ADGRV1: variants seen among roughly 807,000 people sequenced by gnomAD.
The protein encoded by ADGRV1 is adhesion G protein-coupled receptor V1, also known as G-protein coupled receptor 98.
ADGRV1 carries 359 observed loss-of-function variants against 596.2 expected under a neutral mutation model. The ratio of observed to expected loss-of-function variants is 0.60; its 90% confidence interval spans 0.55 to 0.66. The LOEUF is 0.66. ADGRV1 is among the 30% of genes least tolerant of loss of function. The pLI, the probability that ADGRV1 is intolerant of heterozygous loss-of-function variation, is 0.00. For missense variants in ADGRV1, 7,274 were observed against 7,575.6 expected (o/e 0.96, Z 1.48); for synonymous variants, 2,681 against 2,679.2 (o/e 1.00, Z -0.02).
At chr5:90,806,633 A>G (rs1317245170) in intron 72 of ADGRV1, among the ~76,000 whole-genome samples, 4 of 152,146 alleles carry the variant, frequency 2.6e-5, no homozygotes, top group Non-Finnish European at 5.9e-5. Flanking sequence ...TTATGAGTGT[A>G]TATGCGGCTT....
At chr5:90,641,682 T>C (rs1034573695) in intron 11 of ADGRV1, among the ~76,000 whole-genome samples, 1 of 152,202 alleles carries the variant, frequency 6.6e-6, no homozygotes, top group South Asian at 2.1e-4. Flanking sequence ...GGAAGTGAGC[T>C]TTTTTTCTAC....
At chr5:90,814,708 A>G (rs1415081507) in intron 74 of ADGRV1, among the ~76,000 whole-genome samples, 1 of 152,174 alleles carries the variant, frequency 6.6e-6, no homozygotes, top group Non-Finnish European at 1.5e-5. Context: ...CCAGACATGC[A>G]AAACTGTGAA....
rs548596087 is a variant in ADGRV1, at chr5:90,647,565, T to G, written c.3090T>G (p.Val1030=). The G allele has an allele frequency of 6.2e-7, 1 of 1,613,826 alleles. No individual in the cohort carries two copies. Among genetic ancestry groups the G allele is most frequent in the East Asian group, 2.2e-5 (1 of 44,868 alleles). The stretch of plus-strand genomic sequence containing the variant: ...TTACAGTTCTCAGAAATGGATCTGT[T>G]GATGTGACTTGCATGGTCCAGTATG... ...ANFTVLRNGS[V]DVTCMVQYAT... is the part of the protein sequence containing the mutation. The change falls in exon 17 of 90, where the codon GTT becomes GTG. Residue 1030 remains valine (V), a synonymous_variant. Transcript: ENST00000405460.
chr5:90,697,959 A>C (rs1002046372), intron 34 of ADGRV1, among the ~76,000 whole-genome samples: 1 of 151,554 alleles, frequency 6.6e-6, no homozygotes, highest in Non-Finnish European at 1.5e-5. Context: ...AGACATAGAG[A>C]GATTAAAAGA....
chr5:90,886,522 T>G (rs1456966855), intron 83 of ADGRV1, among the ~76,000 whole-genome samples: 2 of 152,190 alleles, frequency 1.3e-5, no homozygotes, highest in Non-Finnish European at 2.9e-5. Context: ...TACTCCATAC[T>G]CTCTCGATAA....
intron 79 of ADGRV1, among the ~76,000 whole-genome samples, chr5:90,851,102 G>GGTGTGTGTGTGTGTGTGTGTGTGT (rs371933419): frequency 2.0e-5 from 1 of 50,566 alleles, no homozygotes; most frequent in Non-Finnish European, 4.3e-5. Context: ...AGCTAGGTAG[G>GGTGTGTGTGTGTGTGTGTGTGTGT]GTGTGTGTGT....
intron 82 of ADGRV1, among the ~76,000 whole-genome samples, chr5:90,857,913 C>T (rs1767178015): frequency 6.6e-6 from 1 of 152,050 alleles, no homozygotes; most frequent in Non-Finnish European, 1.5e-5. Flanking sequence ...CGGCAGTATA[C>T]AATTAGACAG....
Position 90,725,445 on chromosome 5 carries a change from T to A in ADGRV1, c.10054-104T>A, listed in dbSNP as rs972259832. Reference sequence around the variant, plus strand: ...TTATGTGTAGCTTGGTATTAAAATTTTTTAAGTCTTGCACTTCAGATTTTA... The same window carrying A: ...TTATGTGTAGCTTGGTATTAAAATTATTTAAGTCTTGCACTTCAGATTTTA... On this transcript the variant is annotated intron_variant, in intron 47 of 89. Coordinates refer to ENST00000405460, the MANE Select transcript of ADGRV1 (RefSeq NM_032119.4). 23 of 756,242 alleles carry A rather than the reference T, an allele frequency of 3.0e-5. No individual in the cohort carries two copies. The African/African-American group carries it at 3.4e-4, about 11-fold the overall frequency. 46.8% of individuals were successfully genotyped at this position (756,242 alleles called of 1,614,324 possible).
At chr5:90,971,429 A>AC (rs1581669313) in intron 84 of ADGRV1, among the ~76,000 whole-genome samples, 1 of 151,974 alleles carries the variant, frequency 6.6e-6, no homozygotes, top group African/African-American at 2.4e-5. Flanking sequence ...TGAAGGAAAA[A>AC]ATGTTAAGGG....
At position 90,694,544 on chromosome 5, in the gene ADGRV1, T is replaced by A; in HGVS notation, c.7788T>A (p.Val2596=). 2 of 1,613,882 alleles carry A rather than the reference T, an allele frequency of 1.2e-6. No individual in the cohort carries two copies. The highest frequency in any genetic ancestry group is 1.7e-6 in the Non-Finnish European group (2 of 1,179,814). The change falls in exon 33 of 90, where the codon GTT becomes GTA. Residue 2596 remains valine (V), a synonymous_variant. Transcript: ENST00000405460. ...SPNTSEDGLF[V]EVQEQPQTLV... Reference sequence around the variant, plus strand: ...ATACTTCCGAAGATGGCTTATTTGTTGAAGTTCAGGAGCAGCCCCAAACCT... The same window carrying A: ...ATACTTCCGAAGATGGCTTATTTGTAGAAGTTCAGGAGCAGCCCCAAACCT...
rs145614270 is a variant in ADGRV1 at position 90,726,466 on chromosome 5, A to G, written c.10161+810A>G. Reference sequence around the variant, plus strand: ...GTAAGACATCCTGAAAGAATTTTCTACTTGTTTTGTCTTTACTTCCCCGTG... The same window carrying G: ...GTAAGACATCCTGAAAGAATTTTCTGCTTGTTTTGTCTTTACTTCCCCGTG... On this transcript the variant is annotated intron_variant, in intron 48 of 89. Coordinates refer to ENST00000405460, the MANE Select transcript of ADGRV1 (RefSeq NM_032119.4). Among the ~76,000 whole-genome samples, 274 of 152,154 alleles carry G rather than the reference A, an allele frequency of 1.8e-3. 1 individual carries two copies. Among genetic ancestry groups the G allele is most frequent in the Non-Finnish European group, 3.1e-3 (208 of 67,996 alleles).
intron 25 of ADGRV1, among the ~76,000 whole-genome samples, chr5:90,677,831 T>C (rs781653269): frequency 2.0e-5 from 3 of 152,180 alleles, no homozygotes; most frequent in Non-Finnish European, 2.9e-5. Flanking sequence ...GGAAAAGGAA[T>C]TTATACAATG....
chr5:90,712,596 T>A (rs1219846494), intron 42 of ADGRV1, among the ~76,000 whole-genome samples, 168 bp downstream of exon 42: 1 of 152,178 alleles, frequency 6.6e-6, no homozygotes, highest in Non-Finnish European at 1.5e-5. Flanking sequence ...ACAGTGCCTC[T>A]CACGTGTGTA....
intron 83 of ADGRV1, among the ~76,000 whole-genome samples, chr5:90,918,737 A>ATATT (rs1773605591): frequency 6.6e-6 from 1 of 152,160 alleles, no homozygotes; most frequent in Admixed American, 6.5e-5. Flanking sequence ...CCTCCCATGT[A>ATATT]TATTTACTCC....
intron 31 of ADGRV1, 30 bp from the exon 32 acceptor site, chr5:90,692,575 C>T: frequency 6.5e-7 from 1 of 1,532,130 alleles, no homozygotes; most frequent in Admixed American, 1.9e-5. Flanking sequence ...AACTGTGATG[C>T]TGTTAAGGAA....
intron 64 of ADGRV1, 24 bp downstream of exon 64, chr5:90,779,121 A>T: frequency 7.2e-7 from 1 of 1,396,590 alleles, no homozygotes; most frequent in East Asian, 2.3e-5. Context: ...GCAATTAGGA[A>T]AAAGAAAGCA....
chr5:90,640,533 A>G (rs1227379715), intron 11 of ADGRV1, among the ~76,000 whole-genome samples: 2 of 152,178 alleles, frequency 1.3e-5, no homozygotes, highest in Non-Finnish European at 2.9e-5. Context: ...TGGCAGGCAC[A>G]GGCGCCTTGG....
chr5:90,780,005 C>G (rs1305110061), intron 64 of ADGRV1: 1 of 152,116 alleles, frequency 6.6e-6, no homozygotes, highest in Admixed American at 6.5e-5. Context: ...CCCAAAAATG[C>G]TTCTATGCCT....
intron 13 of ADGRV1, among the ~76,000 whole-genome samples, chr5:90,643,481 T>G (rs1312262195): frequency 6.6e-6 from 1 of 152,206 alleles, no homozygotes; most frequent in East Asian, 1.9e-4. Context: ...CCAATACATA[T>G]GTAACTCTAA....
Sources: allele counts gnomAD v4.1 joint callset (sites outside exome capture counted in the v4.1 genomes callset), GRCh38; gene constraint gnomAD v4.1.1; transcripts MANE v1.5; gene names NCBI Gene and HGNC (gene_info 2026-07-23, HGNC 2026-07-21).